RIT2: variants seen among roughly 807,000 people sequenced by gnomAD.
RIT2 encodes Ras like without CAAX 2.
Under a neutral mutation model 23.7 loss-of-function variants are expected in RIT2, and 24 were observed. The ratio of observed to expected loss-of-function variants is 1.01; its 90% CI spans 0.73 to 1.43. The LOEUF (loss-of-function observed/expected upper bound fraction) is 1.43. Among genes scored for constraint, RIT2 ranks in the 40% most tolerant of loss-of-function variants. The pLI is 0.00. For missense variants in RIT2, 236 were observed against 266.9 expected (o/e 0.88, Z 0.81); for synonymous variants, 107 against 91.1 (o/e 1.17, Z -0.99).
At chr18:42,891,746 G>A (rs1219045502) in intron 4 of RIT2, among the ~76,000 whole-genome samples, 1 of 152,132 alleles carries the variant, frequency 6.6e-6, no homozygotes, top group African/African-American at 2.4e-5. Flanking sequence ...AAGGGGGAGG[G>A]AGAGATGAAT....
At chr18:42,985,898 A>C (rs1010255714) in intron 2 of RIT2, among the ~76,000 whole-genome samples, 4 of 152,134 alleles carry the variant, frequency 2.6e-5, no homozygotes, top group South Asian at 2.1e-4. Context: ...GAATACATTT[A>C]TAAAAATTGG....
chr18:42,904,189 T>C (rs1908552290), intron 4 of RIT2, among the ~76,000 whole-genome samples: 1 of 152,208 alleles, frequency 6.6e-6, no homozygotes, highest in Non-Finnish European at 1.5e-5. Flanking sequence ...ACTCTATTTC[T>C]ATATTGCATC....
intron 4 of RIT2, among the ~76,000 whole-genome samples, chr18:42,895,003 G>A (rs1908285183): frequency 6.6e-6 from 1 of 152,182 alleles, no homozygotes; most frequent in South Asian, 2.1e-4. Flanking sequence ...GGAAGTGGAA[G>A]CCTCAAGTAT....
At position 43,030,168 on chromosome 18, in the gene RIT2, C is replaced by G. The variant is rs527851493; in HGVS notation, c.160+3643G>C. Reference sequence around the variant, plus strand: ...AATTATCTAAACAATTATTTAATTTCATAGACATTAGTGATATTAAAAATA... The same window carrying G: ...AATTATCTAAACAATTATTTAATTTGATAGACATTAGTGATATTAAAAATA... On this transcript the variant is annotated intron_variant, in intron 2 of 4. Transcript: ENST00000326695. Among the ~76,000 whole-genome samples the G allele has an allele frequency of 2.0e-3, 310 of 152,052 alleles. 2 individuals are homozygous for G. The highest frequency in any genetic ancestry group is 7.0e-3 in the African/African-American group (289 of 41,504).
At chr18:43,007,981 C>T (rs1053588765) in intron 2 of RIT2, among the ~76,000 whole-genome samples, 2 of 151,590 alleles carry the variant, frequency 1.3e-5, no homozygotes, top group African/African-American at 4.8e-5. Context: ...CATTGATTAT[C>T]AATGGCTGTT....
intron 4 of RIT2, among the ~76,000 whole-genome samples, chr18:42,894,253 A>C (rs1402923837): frequency 6.6e-6 from 1 of 152,220 alleles, no homozygotes; most frequent in African/African-American, 2.4e-5. Flanking sequence ...TTGTCCATAA[A>C]AAATGCATTG....
intron 3 of RIT2, among the ~76,000 whole-genome samples, chr18:42,963,618 C>T (rs578068030): frequency 1.8e-4 from 28 of 152,284 alleles, no homozygotes; most frequent in African/African-American, 6.7e-4. Flanking sequence ...CCTGGCCGGG[C>T]TTGGTGGCTC....
intron 4 of RIT2, among the ~76,000 whole-genome samples, chr18:42,777,934 T>C (rs1014275741): frequency 6.6e-6 from 1 of 152,202 alleles, no homozygotes; most frequent in African/African-American, 2.4e-5. Flanking sequence ...TGATCATCAA[T>C]AAGTAAAGAA....
intron 3 of RIT2, among the ~76,000 whole-genome samples, chr18:42,928,727 A>G (rs1051464457): frequency 6.6e-6 from 1 of 152,026 alleles, no homozygotes; most frequent in Non-Finnish European, 1.5e-5. Flanking sequence ...CTGATGCCTT[A>G]AACTGGTTAT....
intron 1 of RIT2, among the ~76,000 whole-genome samples, chr18:43,086,640 G>A (rs758931754): frequency 5.3e-5 from 8 of 152,084 alleles, no homozygotes; most frequent in Non-Finnish European, 7.3e-5. Flanking sequence ...GGCACTGCAC[G>A]GCTGGCCAGA....
chr18:42,775,880 CAG>C (rs796671514), intron 4 of RIT2, among the ~76,000 whole-genome samples: 51 of 151,332 alleles, frequency 3.4e-4, no homozygotes, highest in South Asian at 1.7e-3. Context: ...CACACACACA[CAG>C]AGATGTAAAT....
At chr18:42,832,329 C>T (rs1382021217) in intron 4 of RIT2, among the ~76,000 whole-genome samples, 1 of 152,048 alleles carries the variant, frequency 6.6e-6, no homozygotes, top group Admixed American at 6.6e-5. Flanking sequence ...GATTAATTTC[C>T]AAATAATGTA....
chr18:42,937,635 C>T (rs962219839), intron 3 of RIT2, among the ~76,000 whole-genome samples: 1 of 152,114 alleles, frequency 6.6e-6, no homozygotes, highest in African/African-American at 2.4e-5. Flanking sequence ...TATCAGCTAA[C>T]CACAAAGCTT....
chr18:42,868,104 G>T (rs1229267297), intron 4 of RIT2, among the ~76,000 whole-genome samples: 1 of 152,174 alleles, frequency 6.6e-6, no homozygotes, highest in Admixed American at 6.5e-5. Context: ...AATAGAAAAA[G>T]TAGACACAAG....
chr18:43,014,122 T>A (rs890103934), intron 2 of RIT2, among the ~76,000 whole-genome samples: 7 of 151,916 alleles, frequency 4.6e-5, no homozygotes, highest in Admixed American at 3.3e-4. Flanking sequence ...AGGGAACTTA[T>A]CCTTGAAGAG....
intron 3 of RIT2, among the ~76,000 whole-genome samples, chr18:42,933,220 A>G (rs1909370229): frequency 6.6e-6 from 1 of 152,174 alleles, no homozygotes; most frequent in Non-Finnish European, 1.5e-5. Context: ...AGCTTCTAAT[A>G]GTAAAGGAGT....
At chr18:43,064,271 T>TATA (rs1195988861) in intron 1 of RIT2, among the ~76,000 whole-genome samples, 1 of 152,156 alleles carries the variant, frequency 6.6e-6, no homozygotes, top group Non-Finnish European at 1.5e-5. Flanking sequence ...TAACAGAATA[T>TATA]ATAATACACT....
At chr18:42,844,293 CA>C (rs981682640) in intron 4 of RIT2, among the ~76,000 whole-genome samples, 1 of 152,192 alleles carries the variant, frequency 6.6e-6, no homozygotes, top group African/African-American at 2.4e-5. Context: ...TCACATGGGG[CA>C]GCTGCCCTCC....
chr18:42,859,690 T>TAC, intron 4 of RIT2, among the ~76,000 whole-genome samples: 1 of 152,218 alleles, frequency 6.6e-6, no homozygotes, highest in South Asian at 2.1e-4. Context: ...CAATTTTACC[T>TAC]TCTACATATG....
Sources: gnomAD v4.1 joint callset for allele counts (sites outside exome capture counted in the v4.1 genomes callset) on GRCh38, gnomAD v4.1.1 for gene constraint, MANE v1.5 for transcripts, NCBI Gene and HGNC (gene_info 2026-07-23, HGNC 2026-07-21) for gene names.